Variants in LRP1B observed in about 807,000 individuals in gnomAD.
The protein encoded by LRP1B is LDL receptor related protein 1B.
A neutral mutation model predicts 556.6 loss-of-function variants in LRP1B; 217 were observed. The ratio of observed to expected loss-of-function variants is 0.39; its 90% CI spans 0.35 to 0.44. The LOEUF (loss-of-function observed/expected upper bound fraction) is 0.44. Among genes scored for constraint, LRP1B ranks in the 20% least tolerant of loss-of-function variants. LRP1B has a pLI of 1.00. For missense variants in LRP1B, 5,053 were observed against 5,620.8 expected, an observed-to-expected ratio of 0.90 and a Z score of 3.23; for synonymous variants, 2,047 against 1,865.8, an observed-to-expected ratio of 1.10 and a Z score of -2.50.
intron 43 of LRP1B, among the ~76,000 whole-genome samples, chr2:140,579,208 A>G (rs1681660336): frequency 6.6e-6 from 1 of 152,174 alleles, no homozygotes; most frequent in Non-Finnish European, 1.5e-5. Context: ...TAGCCTCATG[A>G]GACACAGGAA....
chr2:142,077,456 A>G (rs751940551), intron 1 of LRP1B, among the ~76,000 whole-genome samples: 2 of 152,152 alleles, frequency 1.3e-5, no homozygotes, highest in Non-Finnish European at 2.9e-5. Context: ...TTTAAAATTT[A>G]TCTTCACTTG....
intron 5 of LRP1B, among the ~76,000 whole-genome samples, chr2:141,243,611 C>A (rs2105320669): frequency 6.6e-6 from 1 of 152,198 alleles, no homozygotes; most frequent in African/African-American, 2.4e-5. Context: ...TTCAACTATG[C>A]ATACTTAAAT....
chr2:141,398,206 A>C (rs957473997), intron 3 of LRP1B, among the ~76,000 whole-genome samples: 3 of 152,196 alleles, frequency 2.0e-5, no homozygotes, highest in African/African-American at 7.2e-5. Flanking sequence ...GGATAAAAAG[A>C]ATGCAAATCA....
At chr2:140,347,980 T>G (rs1030168220) in intron 77 of LRP1B, among the ~76,000 whole-genome samples, 2 of 151,988 alleles carry the variant, frequency 1.3e-5, no homozygotes, top group Admixed American at 1.3e-4. Flanking sequence ...ATTCATAAGA[T>G]AGAAAATCAA....
chr2:140,697,817 C>T (rs1475976852), intron 41 of LRP1B, among the ~76,000 whole-genome samples: 1 of 151,904 alleles, frequency 6.6e-6, no homozygotes, highest in African/African-American at 2.4e-5. Context: ...CACAGAGTTT[C>T]TATTTGAAGT....
chr2:141,497,877 A>C (rs1574014885), intron 2 of LRP1B, among the ~76,000 whole-genome samples: 1 of 151,980 alleles, frequency 6.6e-6, no homozygotes, highest in African/African-American at 2.4e-5. Flanking sequence ...GAGAATAAAA[A>C]AATTATATTT....
At chr2:140,440,845 T>C (rs1185338840) in intron 66 of LRP1B, among the ~76,000 whole-genome samples, 1 of 152,002 alleles carries the variant, frequency 6.6e-6, no homozygotes, top group African/African-American at 2.4e-5. Flanking sequence ...TTAAATATAT[T>C]TTTCTCTTTA....
At chr2:141,107,210 T>C (rs1405004047) in intron 7 of LRP1B, among the ~76,000 whole-genome samples, 1 of 152,218 alleles carries the variant, frequency 6.6e-6, no homozygotes, top group South Asian at 2.1e-4. Context: ...TAGCATATCA[T>C]TAAATTTTTT....
At chr2:141,759,998 G>T (rs536221621) in intron 2 of LRP1B, among the ~76,000 whole-genome samples, 1 of 152,044 alleles carries the variant, frequency 6.6e-6, no homozygotes, top group Non-Finnish European at 1.5e-5. Context: ...GCGTGGTTGC[G>T]TGCGTCTATA....
intron 1 of LRP1B, among the ~76,000 whole-genome samples, chr2:141,959,439 G>A (rs542046437): frequency 2.3e-4 from 35 of 151,860 alleles, no homozygotes; most frequent in Non-Finnish European, 4.7e-4. Context: ...TAGTTAATGC[G>A]TCAATCTAGT....
chr2:140,699,114 T>C (rs555528682), intron 41 of LRP1B, among the ~76,000 whole-genome samples: 2 of 152,076 alleles, frequency 1.3e-5, no homozygotes, highest in African/African-American at 2.4e-5. Flanking sequence ...GTATTCATTC[T>C]TTAGAAAATA....
chr2:142,031,330 A>ATTTTTTTTTTTTTTTTTTTTTTTTTTTTT (rs560363480), intron 1 of LRP1B, among the ~76,000 whole-genome samples: 1 of 117,050 alleles, frequency 8.5e-6, no homozygotes, highest in Non-Finnish European at 1.8e-5. Context: ...GATTATACTT[A>ATTTTTTTTTTTTTTTTTTTTTTTTTTTTT]TTTTTTTTTT....
At position 141,945,502 on chromosome 2, in the gene LRP1B, C is replaced by G. The variant is rs556771607; in HGVS notation, c.83-135101G>C. ...GTATTATCATTTTGAAACTGATATTCTTCATTTCAGTTTATATTGTATATG... is the reference window on the plus strand; with the variant it reads ...GTATTATCATTTTGAAACTGATATTGTTCATTTCAGTTTATATTGTATATG... On this transcript the variant is annotated intron_variant, in intron 1 of 90. Transcript: ENST00000389484. Among the ~76,000 whole-genome samples, 4 of 150,808 alleles carry G rather than the reference C, an allele frequency of 2.7e-5. No individual in the cohort carries two copies. In the East Asian group the frequency reaches 7.8e-4, roughly 29 times the overall value.
In LRP1B at chr2:141,142,009, T is replaced by TA. The variant is rs1046657124; in HGVS notation, c.1013+46411_1013+46412insT. On this transcript the variant is annotated intron_variant, in intron 7 of 90. Transcript: ENST00000389484. ...ATACAAAACGATAGGGTTTTTTTTT[T>TA]TCTAAAATGTAGTAGAAACACCTAC... 9.5e-4 allele frequency among the ~76,000 whole-genome samples: 144 copies of TA among 151,720 alleles called. No homozygotes were observed. In the Middle Eastern group the frequency reaches 0.014, roughly 15 times the overall value.
chr2:141,088,690 C>T (rs1243255029), intron 7 of LRP1B, among the ~76,000 whole-genome samples: 1 of 152,150 alleles, frequency 6.6e-6, no homozygotes, highest in East Asian at 1.9e-4. Flanking sequence ...ATAATAGGTG[C>T]TGCTGGAAAC....
intron 7 of LRP1B, among the ~76,000 whole-genome samples, chr2:141,069,955 C>T: frequency 8.6e-6 from 1 of 116,440 alleles, no homozygotes; most frequent in African/African-American, 3.2e-5. Context: ...CCTCCCCCCT[C>T]CCCCCACCCC....
At chr2:140,561,023 C>T (rs1441390643) in intron 43 of LRP1B, among the ~76,000 whole-genome samples, 1 of 152,106 alleles carries the variant, frequency 6.6e-6, no homozygotes, top group Admixed American at 6.6e-5. Flanking sequence ...GCCTCAGAAG[C>T]AAAGTTTCTC....
In LRP1B at chr2:141,260,636, G is replaced by A. The variant is rs574852962; in HGVS notation, c.344-5995C>T. ...TAGCTATCGGATCAACCATTGTATA[G>A]TCAATAGCATTATGCTGCTGCCTTT... On this transcript the variant is annotated intron_variant, in intron 3 of 90. Coordinates refer to ENST00000389484, the MANE Select transcript of LRP1B (RefSeq NM_018557.3). 1.6e-4 allele frequency among the ~76,000 whole-genome samples: 25 copies of A among 152,228 alleles called. No homozygotes were observed. In the East Asian group the frequency reaches 4.3e-3, roughly 26 times the overall value.
chr2:141,131,301 C>T (rs529453967), intron 7 of LRP1B, among the ~76,000 whole-genome samples: 10 of 150,752 alleles, frequency 6.6e-5, no homozygotes, highest in African/African-American at 1.5e-4. Flanking sequence ...ACATACAAAA[C>T]GGACTGATCT....
Sources: allele counts gnomAD v4.1 joint callset (sites outside exome capture counted in the v4.1 genomes callset), GRCh38; gene constraint gnomAD v4.1.1; transcripts MANE v1.5; gene names NCBI Gene and HGNC (gene_info 2026-07-23, HGNC 2026-07-21).